Variants in TMEM132D observed in about 807,000 individuals in gnomAD.
TMEM132D encodes the protein mature OL transmembrane protein.
In TMEM132D, 21 loss-of-function variants were observed where a neutral mutation model predicts 62.3. That is an observed-to-expected ratio of 0.34 (90% CI 0.24 to 0.49). The LOEUF (loss-of-function observed/expected upper bound fraction) is 0.49, where lower values mean the gene tolerates loss of function less well. Ranked by LOEUF, TMEM132D falls within the 20% of genes least tolerant of loss-of-function variation. The probability of loss-of-function intolerance (pLI) is 0.99; values close to 1 mark genes in which losing one functional copy is unlikely to be tolerated. For synonymous variants in TMEM132D, 621 were observed against 575.6 expected, an observed-to-expected ratio of 1.08 and a Z score of -1.13; for missense variants, 1,346 against 1,402.8, an observed-to-expected ratio of 0.96 and a Z score of 0.65.
intron 3 of TMEM132D, among the ~76,000 whole-genome samples, chr12:129,435,901 A>C: frequency 6.6e-6 from 1 of 152,190 alleles, no homozygotes; most frequent in East Asian, 1.9e-4. Flanking sequence ...TGATCAGCCA[A>C]AAACTACATT....
At chr12:129,463,484 A>T (rs2137040998) in intron 3 of TMEM132D, among the ~76,000 whole-genome samples, 1 of 149,778 alleles carries the variant, frequency 6.7e-6, no homozygotes, top group East Asian at 2.0e-4. Flanking sequence ...TATTATTATT[A>T]TTATTATACT....
intron 3 of TMEM132D, among the ~76,000 whole-genome samples, chr12:129,374,864 G>GTA (rs1053276698): frequency 5.3e-5 from 8 of 152,184 alleles, no homozygotes; most frequent in Non-Finnish European, 1.0e-4. Context: ...TGTAAAAACT[G>GTA]TACTTGGGTG....
intron 3 of TMEM132D, among the ~76,000 whole-genome samples, chr12:129,438,300 C>A (rs1267486809): frequency 6.6e-6 from 1 of 151,988 alleles, no homozygotes. Flanking sequence ...GGTTCTAGAT[C>A]CTGAAGACAC....
intron 1 of TMEM132D, among the ~76,000 whole-genome samples, chr12:129,815,360 A>G (rs183160477): frequency 1.3e-5 from 2 of 152,318 alleles, no homozygotes; most frequent in African/African-American, 4.8e-5. Flanking sequence ...TCATTAAGCA[A>G]CATAATAAAT....
chr12:129,339,658 C>A (rs547650798), intron 3 of TMEM132D, among the ~76,000 whole-genome samples: 26 of 152,278 alleles, frequency 1.7e-4, no homozygotes, highest in Non-Finnish European at 3.2e-4. Context: ...CTAGAGAGAA[C>A]TTGGAATTAA....
chr12:129,364,608 A>T (rs373122806), intron 3 of TMEM132D, among the ~76,000 whole-genome samples: 1 of 152,220 alleles, frequency 6.6e-6, no homozygotes, highest in Non-Finnish European at 1.5e-5. Flanking sequence ...CAGGAAAGTT[A>T]GTGCTTTTAC....
At chr12:129,616,353 G>A (rs1322977682) in intron 2 of TMEM132D, among the ~76,000 whole-genome samples, 1 of 152,148 alleles carries the variant, frequency 6.6e-6, no homozygotes, top group East Asian at 1.9e-4. Context: ...TCGGGAGAGG[G>A]ACACCATGAC....
chr12:129,340,220 G>T (rs1869423969), intron 3 of TMEM132D, among the ~76,000 whole-genome samples: 1 of 151,956 alleles, frequency 6.6e-6, no homozygotes, highest in East Asian at 1.9e-4. Context: ...CCCTTTCCCA[G>T]CCAAGATGTA....
intron 5 of TMEM132D, among the ~76,000 whole-genome samples, chr12:129,130,728 C>A (rs1037231982): frequency 6.6e-6 from 1 of 152,022 alleles, no homozygotes; most frequent in Non-Finnish European, 1.5e-5. Context: ...TCAGGGGAGG[C>A]TTTGAAATGC....
intron 5 of TMEM132D, among the ~76,000 whole-genome samples, chr12:129,148,002 C>T (rs1468031138): frequency 6.6e-6 from 1 of 152,202 alleles, no homozygotes; most frequent in Non-Finnish European, 1.5e-5. Flanking sequence ...TGCGCTTAAA[C>T]AGGATGCCAT....
intron 2 of TMEM132D, among the ~76,000 whole-genome samples, chr12:129,643,705 G>A (rs1879698678): frequency 1.3e-5 from 2 of 152,082 alleles, no homozygotes; most frequent in South Asian, 4.1e-4. Context: ...ATATTCAATT[G>A]CCTCCTTTCG....
chr12:129,623,058 G>A (rs1429518357), intron 2 of TMEM132D, among the ~76,000 whole-genome samples: 1 of 152,142 alleles, frequency 6.6e-6, no homozygotes, highest in Non-Finnish European at 1.5e-5. Flanking sequence ...GGGGGAAGGG[G>A]AGAGAGAGAT....
At chr12:129,721,992 C>T (rs1868850813) in intron 1 of TMEM132D, among the ~76,000 whole-genome samples, 1 of 151,638 alleles carries the variant, frequency 6.6e-6, no homozygotes. Context: ...AATCCTGCAG[C>T]ATGGAGTAAA....
intron 1 of TMEM132D, among the ~76,000 whole-genome samples, chr12:129,792,656 T>C (rs1393747378): frequency 1.3e-5 from 2 of 152,170 alleles, no homozygotes; most frequent in African/African-American, 4.8e-5. Context: ...CTCCGATACA[T>C]GCTGAGACAA....
intron 3 of TMEM132D, among the ~76,000 whole-genome samples, chr12:129,419,608 A>C (rs1872237305): frequency 6.6e-6 from 1 of 152,206 alleles, no homozygotes; most frequent in South Asian, 2.1e-4. Context: ...TTAACTTCTC[A>C]GTTGCATAAG....
intron 1 of TMEM132D, among the ~76,000 whole-genome samples, chr12:129,784,161 A>T (rs1871196371): frequency 6.6e-6 from 1 of 152,232 alleles, no homozygotes; most frequent in African/African-American, 2.4e-5. Context: ...AAGCTTTGGA[A>T]GACCTGGTAA....
At chr12:129,805,046 A>G (rs1298542272) in intron 1 of TMEM132D, among the ~76,000 whole-genome samples, 1 of 148,424 alleles carries the variant, frequency 6.7e-6, no homozygotes, top group Non-Finnish European at 1.5e-5. Context: ...AAAAGAGGAT[A>G]CAAACAAATG....
At chr12:129,530,168 CA>C (rs547803707) in intron 3 of TMEM132D, among the ~76,000 whole-genome samples, 336 of 151,598 alleles carry the variant, frequency 2.2e-3, no homozygotes, top group Middle Eastern at 6.8e-3. Flanking sequence ...GATCATAAGC[CA>C]AAAAAAATCA....
Position 129,308,406 on chromosome 12 carries a change from G to A in TMEM132D, c.1299+29228C>T, listed in dbSNP as rs561203976. On this transcript the variant is annotated intron_variant, in intron 4 of 8. Transcript: ENST00000422113. ...TACAAAGGATTTTTTGATGTGAAAG[G>A]AATCTAATTTGCATTTATGGTACGT... is the stretch of plus-strand genomic sequence containing the variant. Among the ~76,000 whole-genome samples the A allele has an allele frequency of 1.9e-4, 29 of 152,276 alleles. 2 individuals carry two copies. Among genetic ancestry groups the A allele is most frequent in the East Asian group, 1.5e-3 (8 of 5,188 alleles).
Sources: allele counts gnomAD v4.1 joint callset (sites outside exome capture counted in the v4.1 genomes callset), GRCh38; gene constraint gnomAD v4.1.1; transcripts MANE v1.5; gene names NCBI Gene and HGNC (gene_info 2026-07-23, HGNC 2026-07-21).